The following NCOA1 variants were observed in gnomAD, a reference collection of about 807,000 sequenced individuals.
NCOA1 encodes the protein Hin-2 protein.
In NCOA1, 35 loss-of-function variants were observed where a neutral mutation model predicts 150.9. That is an observed-to-expected ratio of 0.23 (90% CI 0.18 to 0.31). The LOEUF is 0.31. Among genes scored for constraint, NCOA1 ranks in the 10% least tolerant of loss-of-function variants. The pLI is 1.00. For missense variants in NCOA1, 1,491 were observed against 1,749.3 expected, an observed-to-expected ratio of 0.85 and a Z score of 2.63; for synonymous variants, 590 against 630.0, an observed-to-expected ratio of 0.94 and a Z score of 0.95.
chr2:24,593,432 G>A (rs1319423750), intron 3 of NCOA1, among the ~76,000 whole-genome samples: 2 of 152,020 alleles, frequency 1.3e-5, no homozygotes, highest in Non-Finnish European at 2.9e-5. Context: ...GGTCTTCTGG[G>A]CCTTTCTTTA....
At chr2:24,659,174 G>C (rs1671073569) in intron 5 of NCOA1, 1 of 175,574 alleles carries the variant, frequency 5.7e-6, no homozygotes, top group East Asian at 1.4e-4. Flanking sequence ...GCTGCCACTT[G>C]GTAAAGGACC....
intron 19 of NCOA1, among the ~76,000 whole-genome samples, chr2:24,746,322 T>C (rs6749650): frequency 0.043 from 6,504 of 152,160 alleles, 222 homozygotes; most frequent in African/African-American, 0.094. Context: ...GCAGGTGGAT[T>C]ACCTGAGGTC....
intron 11 of NCOA1, 47 bp from the exon 12 acceptor site, chr2:24,705,039 G>A (rs202167359): frequency 1.6e-5 from 26 of 1,588,234 alleles, no homozygotes; most frequent in East Asian, 1.3e-4. Context: ...TAAAGCCAGC[G>A]TATAAGTATC....
At chr2:24,634,252 A>G (rs1669835361) in intron 3 of NCOA1, among the ~76,000 whole-genome samples, 1 of 152,148 alleles carries the variant, frequency 6.6e-6, no homozygotes, top group Non-Finnish European at 1.5e-5. Flanking sequence ...TGGGGACTTT[A>G]GCTTTATCAG....
At chr2:24,741,744 T>G in intron 18 of NCOA1, 40 bp from the exon 19 acceptor site, 1 of 1,565,616 alleles carries the variant, frequency 6.4e-7, no homozygotes. Context: ...AGATAGTGAT[T>G]ATAATAATTT....
chr2:24,739,432 T>C lies in NCOA1; in HGVS notation c.3202T>C (p.Leu1068=), dbSNP rs13430401. The C allele has an allele frequency of 1.1e-3, 1,749 of 1,610,584 alleles. 22 individuals carry two copies. In the African/African-American group the frequency reaches 0.02, roughly 19 times the overall value. ...TCTTATTGTTTCCATTTTTCTCTAG[T>C]TGATACACCAAAATCGGCAAGCTAT... ...LQQRLQGQQQ[L]IHQNRQAILN... The change falls in exon 18 of 23, where the codon TTG becomes CTG. Residue 1068 remains leucine, a splice_region_variant and synonymous_variant. Transcript: ENST00000348332.
At chr2:24,659,985 A>G (rs1214027809) in intron 5 of NCOA1, among the ~76,000 whole-genome samples, 3 of 152,122 alleles carry the variant, frequency 2.0e-5, no homozygotes, top group Non-Finnish European at 4.4e-5. Context: ...CTCTCATGGG[A>G]GGAAAAAAAG....
At chr2:24,529,321 T>C (rs1664784412) in intron 1 of NCOA1, among the ~76,000 whole-genome samples, 1 of 152,240 alleles carries the variant, frequency 6.6e-6, no homozygotes, top group Non-Finnish European at 1.5e-5. Context: ...CAACATTTTC[T>C]AGGGCAGAGT....
Position 24,707,145 on chromosome 2 carries a change from C to G in NCOA1, c.1675C>G (p.Pro559Ala), listed in dbSNP as rs1018164757. 6.2e-7 allele frequency: 1 copy of G among 1,614,202 alleles called. No homozygotes were observed. The highest frequency in any genetic ancestry group is 1.3e-5 in the African/African-American group (1 of 75,046). Residue 559 changes from proline to alanine, a missense_variant, in exon 13 of 23, where the codon CCA becomes GCA. This residue lies in a region of NCOA1 where 703 missense variants were observed against 717.7 expected (regional missense o/e 0.98). Coordinates refer to ENST00000348332, the MANE Select transcript of NCOA1 (RefSeq NM_003743.5). Reference sequence around the variant, plus strand: ...CTCCGTTGGCTTCTCTGCCAGTTCTCCAGTCCTCAGGCAGATGAGCTCACA... The same window carrying G: ...CTCCGTTGGCTTCTCTGCCAGTTCTGCAGTCCTCAGGCAGATGAGCTCACA... ...NNSVGFSASS[P>A]VLRQMSSQNS...
At position 24,683,272 on chromosome 2, in the gene NCOA1, T is replaced by G. The variant is rs1227647780; in HGVS notation, c.532+144T>G. 6.2e-6 allele frequency: 3 copies of G among 486,612 alleles called. No homozygotes were observed. In the East Asian group the frequency reaches 1.2e-4, roughly 20 times the overall value. 30.1% of individuals were successfully genotyped at this position (486,612 alleles called of 1,614,324 possible). On this transcript the variant is annotated intron_variant, in intron 8 of 22. Coordinates refer to ENST00000348332, the MANE Select transcript of NCOA1 (RefSeq NM_003743.5). ...TGTTTAAAATATTTTTTCAGTGTGG[T>G]TTCAGTCTCAGATATAAATATGAAG...
intron 14 of NCOA1, chr2:24,711,560 C>G (rs1206788987): frequency 6.6e-6 from 1 of 152,338 alleles, no homozygotes; most frequent in East Asian, 1.9e-4. Context: ...TTTTGAGAAG[C>G]CTTGTATTAA....
intron 1 of NCOA1, among the ~76,000 whole-genome samples, chr2:24,513,441 C>G (rs1185098386): frequency 6.6e-6 from 1 of 151,752 alleles, no homozygotes; most frequent in Non-Finnish European, 1.5e-5. Context: ...TATTTCATGG[C>G]TACATCACAA....
At chr2:24,572,476 A>G (rs750333336) in intron 2 of NCOA1, among the ~76,000 whole-genome samples, 8 of 152,206 alleles carry the variant, frequency 5.3e-5, no homozygotes, top group Non-Finnish European at 1.0e-4. Context: ...ACATAGTAGG[A>G]TACTACAATT....
chr2:24,556,753 A>C (rs1666090109), intron 1 of NCOA1, among the ~76,000 whole-genome samples: 1 of 152,200 alleles, frequency 6.6e-6, no homozygotes, highest in Non-Finnish European at 1.5e-5. Flanking sequence ...ACTGTGGATT[A>C]ATAGGAACAC....
At chr2:24,658,845 C>G (rs1671059199) in intron 5 of NCOA1, 79 bp downstream of exon 5, 3 of 1,289,278 alleles carry the variant, frequency 2.3e-6, no homozygotes, top group South Asian at 2.5e-5. Flanking sequence ...TTTGTTTAAT[C>G]TACTCCAAGT....
intron 3 of NCOA1, among the ~76,000 whole-genome samples, chr2:24,591,674 A>T (rs1446165695): frequency 6.6e-6 from 1 of 152,100 alleles, no homozygotes; most frequent in Non-Finnish European, 1.5e-5. Context: ...CTCTGAATTG[A>T]TGCATCTACT....
At chr2:24,737,168 G>A (rs1663354753) in intron 17 of NCOA1, among the ~76,000 whole-genome samples, 1 of 152,194 alleles carries the variant, frequency 6.6e-6, no homozygotes, top group Admixed American at 6.5e-5. Context: ...GAGGAATGTA[G>A]CGATCCTTTT....
At chr2:24,513,502 A>T (rs1664023906) in intron 1 of NCOA1, among the ~76,000 whole-genome samples, 1 of 150,988 alleles carries the variant, frequency 6.6e-6, no homozygotes, top group African/African-American at 2.4e-5. Context: ...TCCATGTTTT[A>T]TTATTAGACA....
At chr2:24,758,741 G>C (rs1664624023) in intron 21 of NCOA1, among the ~76,000 whole-genome samples, 1 of 151,954 alleles carries the variant, frequency 6.6e-6, no homozygotes, top group Non-Finnish European at 1.5e-5. Flanking sequence ...CGAGCACTTT[G>C]GGAGGCCAAG....
Sources: allele counts gnomAD v4.1 joint callset (sites outside exome capture counted in the v4.1 genomes callset), GRCh38; gene constraint gnomAD v4.1.1; regional missense constraint gnomAD v4.1.1; transcripts MANE v1.5; gene names NCBI Gene and HGNC (gene_info 2026-07-23, HGNC 2026-07-21).